Variants in KANK1 observed in about 807,000 individuals in gnomAD.
KANK1 encodes the protein KN motif and ankyrin repeat domains 1, also known as KN motif and ankyrin repeat domain-containing protein 1.
A neutral mutation model predicts 106.2 loss-of-function variants in KANK1; 109 were observed. The ratio of observed to expected loss-of-function variants is 1.03; its 90% CI spans 0.88 to 1.20. The LOEUF (loss-of-function observed/expected upper bound fraction) is 1.20, where lower values mean the gene tolerates loss of function less well. Among genes scored for constraint, KANK1 ranks in the 50% most tolerant of loss-of-function variants. KANK1 has a pLI of 0.00. For missense variants in KANK1, 2,399 were observed against 1,710.7 expected, an observed-to-expected ratio of 1.40 and a Z score of -7.10; for synonymous variants, 873 against 652.2, an observed-to-expected ratio of 1.34 and a Z score of -5.16.
chr9:564,644 C>A (rs1327934860), intron 1 of KANK1, among the ~76,000 whole-genome samples: 1 of 152,164 alleles, frequency 6.6e-6, no homozygotes, highest in South Asian at 2.1e-4. Context: ...TCTGCCCATG[C>A]CTACTTTTGG....
At chr9:696,899 G>C (rs1180150788) in intron 2 of KANK1, among the ~76,000 whole-genome samples, 1 of 152,144 alleles carries the variant, frequency 6.6e-6, no homozygotes, top group Non-Finnish European at 1.5e-5. Context: ...GTGCTCCCTA[G>C]TGGCAGGCTG....
chr9:520,463 G>A (rs565104689), intron 1 of KANK1, among the ~76,000 whole-genome samples: 5 of 151,888 alleles, frequency 3.3e-5, no homozygotes, highest in African/African-American at 1.2e-4. Flanking sequence ...AGGCCTGCCA[G>A]CAATGTGGTA....
intron 1 of KANK1, among the ~76,000 whole-genome samples, chr9:544,643 T>C (rs2060821623): frequency 6.6e-6 from 1 of 151,926 alleles, no homozygotes; most frequent in African/African-American, 2.4e-5. Flanking sequence ...GTACGGGCTG[T>C]TATGGGCGCT....
intron 1 of KANK1, among the ~76,000 whole-genome samples, chr9:533,959 T>G (rs1333699049): frequency 2.0e-5 from 3 of 152,200 alleles, no homozygotes; most frequent in Non-Finnish European, 4.4e-5. Flanking sequence ...CCCCCAGATT[T>G]CACATTTATG....
chr9:634,407 C>A (rs1009335194), intron 1 of KANK1, among the ~76,000 whole-genome samples: 5 of 152,146 alleles, frequency 3.3e-5, no homozygotes, highest in Non-Finnish European at 5.9e-5. Flanking sequence ...ATGCAAAAGT[C>A]TGACAAGCAT....
At chr9:624,947 T>G (rs146806602) in intron 1 of KANK1, among the ~76,000 whole-genome samples, 3 of 152,336 alleles carry the variant, frequency 2.0e-5, no homozygotes, top group Non-Finnish European at 4.4e-5. Context: ...GACTTGGACT[T>G]ACTTTATGCC....
At position 545,724 on chromosome 9, in the gene KANK1, CTTTTTT is replaced by C. The variant is rs61622402; in HGVS notation, c.-84+40992_-84+40997del. 7.6e-4 allele frequency among the ~76,000 whole-genome samples: 78 copies of C among 102,680 alleles called. 2 individuals are homozygous for C. The highest frequency in any genetic ancestry group is 4.0e-3 in the East Asian group (13 of 3,238). The allele number at this position is 102,680 out of a possible 152,430, so 67.4% of individuals were successfully genotyped here. ...GCAGTACTGTTGGCCTGTACAGAGC[CTTTTTT>C]TTTTTTTTTTTTTTTTTTTTTAAAT... On this transcript the variant is annotated intron_variant, in intron 1 of 11. Transcript: ENST00000382297.
chr9:605,402 A>C (rs1025883081), intron 1 of KANK1, among the ~76,000 whole-genome samples: 6 of 151,742 alleles, frequency 4.0e-5, no homozygotes, highest in Admixed American at 2.6e-4. Flanking sequence ...CTGAATTCAG[A>C]TGAAGGGGCA....
intron 1 of KANK1, among the ~76,000 whole-genome samples, chr9:563,206 A>G (rs1222665314): frequency 2.3e-5 from 3 of 131,074 alleles, no homozygotes; most frequent in Non-Finnish European, 3.3e-5. Context: ...TTTTTTTTTT[A>G]CTTACTGACC....
rs966137994 is a variant in KANK1 at position 529,315 on chromosome 9, A to G, written c.-84+24561A>G. On this transcript the variant is annotated intron_variant, in intron 1 of 11. Coordinates refer to ENST00000382297, the MANE Select transcript of KANK1 (RefSeq NM_015158.5). ...TACACTTTTTTTTTTTTTGAGACGG[A>G]GTCTTGCTCTGTCGCCAGGCTGGAG... Among the ~76,000 whole-genome samples, 8 of 148,950 alleles carry G rather than the reference A, an allele frequency of 5.4e-5. No individual in the cohort carries two copies. In the South Asian group the frequency reaches 1.1e-3, roughly 20 times the overall value.
intron 1 of KANK1, among the ~76,000 whole-genome samples, chr9:540,948 A>C (rs1164505130): frequency 6.6e-6 from 1 of 152,088 alleles, no homozygotes; most frequent in African/African-American, 2.4e-5. Context: ...TCCTGGTTTC[A>C]TTAATGTTCA....
chr9:581,944 C>G (rs1433108572), intron 1 of KANK1, among the ~76,000 whole-genome samples: 1 of 152,148 alleles, frequency 6.6e-6, no homozygotes, highest in Non-Finnish European at 1.5e-5. Flanking sequence ...TCCAAGATCT[C>G]CCTTAAGTGT....
intron 1 of KANK1, among the ~76,000 whole-genome samples, chr9:585,422 T>G (rs1291306903): frequency 6.6e-6 from 1 of 152,206 alleles, no homozygotes; most frequent in South Asian, 2.1e-4. Flanking sequence ...GTCTACCCAT[T>G]GATGATGGAA....
intron 1 of KANK1, among the ~76,000 whole-genome samples, chr9:560,126 G>A (rs1816000997): frequency 1.3e-5 from 2 of 152,340 alleles, no homozygotes; most frequent in South Asian, 4.1e-4. Flanking sequence ...GGAAAGCAGT[G>A]TGGTTAAGTC....
chr9:536,872 G>A (rs375687612), intron 1 of KANK1, among the ~76,000 whole-genome samples: 12 of 152,254 alleles, frequency 7.9e-5, no homozygotes, highest in African/African-American at 2.4e-4. Context: ...GTTCGCAGTC[G>A]GCACCCCTTT....
chr9:508,988 G>A lies in KANK1; in HGVS notation c.-84+4234G>A, dbSNP rs375009536. 2.6e-5 allele frequency among the ~76,000 whole-genome samples: 4 copies of A among 152,170 alleles called. No homozygotes were observed. The East Asian group carries it at 5.8e-4, about 22-fold the overall frequency. Reference sequence around the variant, plus strand: ...GTACAGTCATGCGGATTTCTGAAGTGGTTGTAGAGTTTATACTTCTACCCG... The same window carrying A: ...GTACAGTCATGCGGATTTCTGAAGTAGTTGTAGAGTTTATACTTCTACCCG... On this transcript the variant is annotated intron_variant, in intron 1 of 11. Transcript: ENST00000382297.
intron 1 of KANK1, among the ~76,000 whole-genome samples, chr9:536,194 A>C (rs1306114959): frequency 6.6e-6 from 1 of 152,116 alleles, no homozygotes; most frequent in Non-Finnish European, 1.5e-5. Context: ...TAAAAAAAAT[A>C]GCCAGACATG....
At chr9:601,629 T>A (rs1827774919) in intron 1 of KANK1, among the ~76,000 whole-genome samples, 1 of 151,948 alleles carries the variant, frequency 6.6e-6, no homozygotes, top group South Asian at 2.1e-4. Flanking sequence ...GGACTCATCA[T>A]GGACAGTTAC....
chr9:529,465 C>T (rs2059962241), intron 1 of KANK1, among the ~76,000 whole-genome samples: 1 of 150,930 alleles, frequency 6.6e-6, no homozygotes, highest in Non-Finnish European at 1.5e-5. Flanking sequence ...TTCCAAAGTG[C>T]TGGGATTACA....
Sources: gnomAD v4.1 joint callset for allele counts (sites outside exome capture counted in the v4.1 genomes callset) on GRCh38, gnomAD v4.1.1 for gene constraint, MANE v1.5 for transcripts, NCBI Gene and HGNC (gene_info 2026-07-23, HGNC 2026-07-21) for gene names.